Variants in NCK2 observed in about 807,000 individuals in gnomAD.
The protein encoded by NCK2 is NCK adaptor protein 2, also known as cytoplasmic protein NCK2.
Under a neutral mutation model 33.9 loss-of-function variants are expected in NCK2, and 16 were observed. That is an observed-to-expected ratio of 0.47 (90% CI 0.32 to 0.72). The LOEUF (loss-of-function observed/expected upper bound fraction) is 0.72, where lower values mean the gene tolerates loss of function less well. Among genes scored for constraint, NCK2 ranks in the 30% least tolerant of loss-of-function variants. The pLI is 0.03. For missense variants in NCK2, 418 were observed against 537.3 expected (o/e 0.78, Z 2.19); for synonymous variants, 273 against 239.9 (o/e 1.14, Z -1.27).
chr2:105,862,022 G>A (rs940282270), intron 3 of NCK2, among the ~76,000 whole-genome samples: 5 of 150,154 alleles, frequency 3.3e-5, no homozygotes, highest in South Asian at 4.2e-4. Context: ...GCTGTAAACT[G>A]CAACCAGGGA....
At chr2:105,801,768 C>A (rs1263231432) in intron 1 of NCK2, among the ~76,000 whole-genome samples, 2 of 151,976 alleles carry the variant, frequency 1.3e-5, no homozygotes, top group Non-Finnish European at 2.9e-5. Context: ...CGTGTCCACT[C>A]GGGGGAACAA....
At chr2:105,835,423 A>ATATATATTTT (rs59154186) in intron 2 of NCK2, among the ~76,000 whole-genome samples, 1 of 102,110 alleles carries the variant, frequency 9.8e-6, no homozygotes, top group Non-Finnish European at 2.0e-5. Context: ...ATATATATAT[A>ATATATATTTT]TTTTTTTTTT....
intron 3 of NCK2, among the ~76,000 whole-genome samples, chr2:105,868,374 C>T (rs1426091040): frequency 2.0e-5 from 3 of 152,198 alleles, no homozygotes; most frequent in Non-Finnish European, 1.5e-5. Flanking sequence ...CAGAGGGCAA[C>T]TGTTCATAAG....
intron 3 of NCK2, among the ~76,000 whole-genome samples, chr2:105,860,922 G>A (rs757250945): frequency 6.6e-6 from 1 of 151,080 alleles, no homozygotes; most frequent in Non-Finnish European, 1.5e-5. Context: ...CAGTGAAGCC[G>A]TGGATGGAGC....
chr2:105,805,044 A>G (rs1321647920), intron 1 of NCK2, among the ~76,000 whole-genome samples: 1 of 152,224 alleles, frequency 6.6e-6, no homozygotes, highest in East Asian at 1.9e-4. Context: ...GCCTCCCCAT[A>G]TGGGTATCAG....
intron 2 of NCK2, among the ~76,000 whole-genome samples, chr2:105,825,000 C>T (rs1461924557): frequency 6.6e-6 from 1 of 152,182 alleles, no homozygotes; most frequent in East Asian, 1.9e-4. Context: ...TGATGCTGCC[C>T]ACATTTGTTG....
At position 105,788,883 on chromosome 2, in the gene NCK2, C is replaced by T. The variant is rs547522918; in HGVS notation, c.-200-27547C>T. Among the ~76,000 whole-genome samples, 6 of 152,286 alleles carry T rather than the reference C, an allele frequency of 3.9e-5. No homozygotes were observed. The South Asian group carries it at 1.0e-3, about 26-fold the overall frequency. On this transcript the variant is annotated intron_variant, in intron 1 of 4. Transcript: ENST00000233154. ...GACAGAGGGTGACTAGTCAGGGCAGCGGATCTCTTATCTGCTCGTTTGGGT... is the reference window on the plus strand; with the variant it reads ...GACAGAGGGTGACTAGTCAGGGCAGTGGATCTCTTATCTGCTCGTTTGGGT...
chr2:105,759,342 C>T lies in NCK2; in HGVS notation c.-201+14204C>T, dbSNP rs546733678. Among the ~76,000 whole-genome samples, 146 of 152,200 alleles carry T rather than the reference C, an allele frequency of 9.6e-4. 1 individual carries two copies. The highest frequency in any genetic ancestry group is 3.4e-3 in the African/African-American group (143 of 41,516). ...TTCAGCCATGTAATACCCTCACGTT[C>T]GTGTATTAAGCTGATCAATAGGGGT... On this transcript the variant is annotated intron_variant, in intron 1 of 4. Coordinates refer to ENST00000233154, the MANE Select transcript of NCK2 (RefSeq NM_003581.5).
intron 2 of NCK2, among the ~76,000 whole-genome samples, chr2:105,844,110 T>G (rs1676753559): frequency 6.6e-6 from 1 of 152,182 alleles, no homozygotes; most frequent in Non-Finnish European, 1.5e-5. Context: ...ACTTAGGATT[T>G]GTCTGATGTT....
At chr2:105,871,894 A>C (rs1023234490) in intron 3 of NCK2, among the ~76,000 whole-genome samples, 1 of 152,194 alleles carries the variant, frequency 6.6e-6, no homozygotes, top group African/African-American at 2.4e-5. Context: ...AGGAAACTAC[A>C]TGACACCTGA....
intron 1 of NCK2, among the ~76,000 whole-genome samples, chr2:105,777,833 C>T (rs1690363062): frequency 1.3e-5 from 2 of 152,212 alleles, no homozygotes; most frequent in Non-Finnish European, 2.9e-5. Flanking sequence ...ATGCCGAGCT[C>T]CCTTTGCAGT....
At chr2:105,892,910 A>G (rs1679048474) in intron 4 of NCK2, 72 bp from the exon 5 acceptor site, 2 of 1,294,324 alleles carry the variant, frequency 1.5e-6, no homozygotes. Context: ...TAGACGCACA[A>G]GAGATGTGGA....
At chr2:105,834,967 T>C (rs958493502) in intron 2 of NCK2, among the ~76,000 whole-genome samples, 7 of 152,152 alleles carry the variant, frequency 4.6e-5, no homozygotes, top group Non-Finnish European at 5.9e-5. Flanking sequence ...CATGATCCAC[T>C]ATGCCTAGCC....
intron 3 of NCK2, among the ~76,000 whole-genome samples, chr2:105,857,392 G>C (rs981270720): frequency 3.3e-5 from 5 of 152,240 alleles, no homozygotes; most frequent in Admixed American, 3.3e-4. Context: ...GCGTCGGTTC[G>C]AGTAGGCCAA....
intron 3 of NCK2, among the ~76,000 whole-genome samples, chr2:105,863,671 C>T (rs1320306404): frequency 6.6e-6 from 1 of 152,136 alleles, no homozygotes; most frequent in Non-Finnish European, 1.5e-5. Flanking sequence ...ACTGTCCCTT[C>T]CTGTCCAATG....
chr2:105,785,255 G>T (rs1374560556), intron 1 of NCK2, among the ~76,000 whole-genome samples: 5 of 152,220 alleles, frequency 3.3e-5, no homozygotes, highest in African/African-American at 1.2e-4. Flanking sequence ...TGGGATTACA[G>T]GCGTGAGCGG....
intron 3 of NCK2, among the ~76,000 whole-genome samples, chr2:105,878,038 T>C (rs1273334226): frequency 6.6e-6 from 1 of 152,222 alleles, no homozygotes; most frequent in Non-Finnish European, 1.5e-5. Flanking sequence ...TGGAAGAGTG[T>C]TTGCTTCCCA....
chr2:105,820,292 C>T (rs1675675870), intron 2 of NCK2, among the ~76,000 whole-genome samples: 1 of 152,194 alleles, frequency 6.6e-6, no homozygotes. Context: ...GGGAAAGCAA[C>T]AGCTCGGTCA....
At chr2:105,889,187 G>T (rs1678857035) in intron 4 of NCK2, among the ~76,000 whole-genome samples, 1 of 152,228 alleles carries the variant, frequency 6.6e-6, no homozygotes, top group African/African-American at 2.4e-5. Context: ...GGGACTGGTG[G>T]CTCACTTTGA....
Sources: allele counts gnomAD v4.1 joint callset (sites outside exome capture counted in the v4.1 genomes callset), GRCh38; gene constraint gnomAD v4.1.1; transcripts MANE v1.5; gene names NCBI Gene and HGNC (gene_info 2026-07-23, HGNC 2026-07-21).